Variants in PCDH7 observed in about 807,000 individuals in gnomAD.
PCDH7 encodes protocadherin-7.
A neutral mutation model predicts 58.9 loss-of-function variants in PCDH7; 17 were observed. The ratio of observed to expected loss-of-function variants is 0.29; its 90% CI spans 0.20 to 0.43. The LOEUF is 0.43. Ranked by LOEUF, PCDH7 falls within the 20% of genes least tolerant of loss-of-function variation. The probability of loss-of-function intolerance (pLI) is 1.00; values close to 1 mark genes in which losing one functional copy is unlikely to be tolerated. For missense variants in PCDH7, 1,274 were observed against 1,441.0 expected (o/e 0.88, Z 1.88); for synonymous variants, 664 against 616.4 (o/e 1.08, Z -1.14).
intron 3 of PCDH7, among the ~76,000 whole-genome samples, chr4:31,116,719 C>T (rs902302308): frequency 6.6e-6 from 1 of 152,170 alleles, no homozygotes; most frequent in Non-Finnish European, 1.5e-5. Flanking sequence ...GTAAAATATA[C>T]AAACCAAGGT....
At chr4:30,994,251 G>A (rs1346212511) in intron 3 of PCDH7, among the ~76,000 whole-genome samples, 5 of 152,050 alleles carry the variant, frequency 3.3e-5, no homozygotes, top group Admixed American at 1.3e-4. Context: ...ATAAGAAATG[G>A]AAAGCTGTAG....
At chr4:30,965,615 G>A (rs1408099607) in intron 3 of PCDH7, among the ~76,000 whole-genome samples, 2 of 151,960 alleles carry the variant, frequency 1.3e-5, no homozygotes, top group African/African-American at 2.4e-5. Flanking sequence ...CATGAGAGAT[G>A]TTATCTCATG....
Position 30,724,602 on chromosome 4 carries a change from A to G in PCDH7, c.3174+6A>G. 6.2e-7 allele frequency: 1 copy of G among 1,613,364 alleles called. No individual in the cohort carries two copies. The highest frequency in any genetic ancestry group is 1.1e-5 in the South Asian group (1 of 91,026). On this transcript the variant is annotated splice_donor_region_variant and intron_variant, in intron 1 of 1. Coordinates refer to ENST00000361762, the Ensembl canonical transcript of PCDH7. ...ATAACAAGTACAGCAAACAGGTAAG[A>G]TGTATCCCAAATATATTTAAATATC...
chr4:30,835,874 C>T (rs1730428074), intron 1 of PCDH7, among the ~76,000 whole-genome samples: 2 of 152,076 alleles, frequency 1.3e-5, no homozygotes, highest in African/African-American at 2.4e-5. Flanking sequence ...GTTTTTCTTG[C>T]ACTAAGTATT....
At chr4:30,846,620 C>T (rs1409010320) in intron 1 of PCDH7, among the ~76,000 whole-genome samples, 1 of 152,024 alleles carries the variant, frequency 6.6e-6, no homozygotes, top group African/African-American at 2.4e-5. Context: ...TTGGTGTCTA[C>T]TTATTAGGTT....
At chr4:30,889,352 A>T (rs1738297085) in intron 1 of PCDH7, among the ~76,000 whole-genome samples, 1 of 146,034 alleles carries the variant, frequency 6.8e-6, no homozygotes, top group African/African-American at 2.6e-5. Context: ...AATAATAATA[A>T]CTATTATTAT....
intron 3 of PCDH7, among the ~76,000 whole-genome samples, chr4:31,009,921 C>G (rs1355720983): frequency 6.6e-6 from 1 of 151,800 alleles, no homozygotes; most frequent in East Asian, 1.9e-4. Flanking sequence ...TGACATAGGG[C>G]CAAAGGTGAA....
At chr4:31,077,636 G>C (rs1235520277) in intron 3 of PCDH7, among the ~76,000 whole-genome samples, 2 of 152,088 alleles carry the variant, frequency 1.3e-5, no homozygotes, top group African/African-American at 2.4e-5. Flanking sequence ...GATGGAAAGG[G>C]AGGTATGGGA....
intron 3 of PCDH7, among the ~76,000 whole-genome samples, chr4:31,068,866 A>G (rs1203646351): frequency 1.3e-5 from 2 of 152,054 alleles, no homozygotes; most frequent in African/African-American, 4.8e-5. Flanking sequence ...CGTGACTCAT[A>G]TAAGCCATAA....
intron 3 of PCDH7, among the ~76,000 whole-genome samples, chr4:31,051,599 AC>A (rs11288708): frequency 0.24 from 36,038 of 151,952 alleles, 4,521 homozygotes; most frequent in South Asian, 0.33. Context: ...GGATATTAAA[AC>A]CCTTAAATAA....
intron 3 of PCDH7, among the ~76,000 whole-genome samples, chr4:31,031,061 G>A (rs1290856293): frequency 6.6e-6 from 1 of 152,080 alleles, no homozygotes; most frequent in Non-Finnish European, 1.5e-5. Context: ...AAGACAAATG[G>A]GGTTATTTGA....
intron 1 of PCDH7, among the ~76,000 whole-genome samples, chr4:30,832,910 C>G (rs890102953): frequency 6.6e-6 from 1 of 152,248 alleles, no homozygotes; most frequent in Middle Eastern, 3.4e-3. Flanking sequence ...TCGAAATACT[C>G]AGTGTAGGTC....
chr4:30,941,365 C>T (rs1406664950), intron 2 of PCDH7, among the ~76,000 whole-genome samples: 3 of 152,010 alleles, frequency 2.0e-5, no homozygotes, highest in African/African-American at 7.2e-5. Flanking sequence ...TTTTCATTTT[C>T]ATTTGGGTAA....
At chr4:30,830,837 T>G (rs1316515901) in intron 1 of PCDH7, among the ~76,000 whole-genome samples, 1 of 152,106 alleles carries the variant, frequency 6.6e-6, no homozygotes, top group African/African-American at 2.4e-5. Flanking sequence ...TGTTAAACAC[T>G]TTAGCTAAAA....
chr4:30,867,459 G>A (rs1302834921), intron 1 of PCDH7, among the ~76,000 whole-genome samples: 1 of 152,084 alleles, frequency 6.6e-6, no homozygotes, highest in Non-Finnish European at 1.5e-5. Flanking sequence ...GTTCAGCAAG[G>A]AAGAATGAAA....
chr4:30,833,241 C>G (rs546849105), intron 1 of PCDH7, among the ~76,000 whole-genome samples: 13 of 152,088 alleles, frequency 8.5e-5, no homozygotes, highest in Non-Finnish European at 1.6e-4. Context: ...AGGCCAGAAG[C>G]AGGAAATGGG....
intron 3 of PCDH7, among the ~76,000 whole-genome samples, chr4:30,953,176 T>G (rs1747531804): frequency 6.6e-6 from 1 of 152,134 alleles, no homozygotes; most frequent in Non-Finnish European, 1.5e-5. Flanking sequence ...TAGAGGTTGC[T>G]CCTATTTTGG....
At chr4:30,804,111 T>C (rs1725876123) in intron 1 of PCDH7, among the ~76,000 whole-genome samples, 1 of 152,206 alleles carries the variant, frequency 6.6e-6, no homozygotes, top group Admixed American at 6.5e-5. Flanking sequence ...ATTTTGGACA[T>C]GACACAAACA....
intron 1 of PCDH7, among the ~76,000 whole-genome samples, chr4:30,898,800 C>T (rs1006039478): frequency 7.2e-5 from 11 of 152,116 alleles, no homozygotes; most frequent in Non-Finnish European, 1.3e-4. Context: ...ACTGTGTTAG[C>T]CAGGATGGTC....
Sources: allele counts gnomAD v4.1 joint callset (sites outside exome capture counted in the v4.1 genomes callset), GRCh38; gene constraint gnomAD v4.1.1; transcripts MANE v1.5; gene names NCBI Gene and HGNC (gene_info 2026-07-23, HGNC 2026-07-21).